EBPL: variants seen among roughly 807,000 people sequenced by gnomAD.
EBPL encodes the protein emopamil-binding protein-like.
Under a neutral mutation model 19.0 loss-of-function variants are expected in EBPL, and 20 were observed. The observed-to-expected ratio is 1.05, with a 90% CI of 0.74 to 1.53. The LOEUF (loss-of-function observed/expected upper bound fraction) is 1.53, where lower values mean the gene tolerates loss of function less well. EBPL is among the 40% of genes most tolerant of loss of function. The pLI is 0.00. For synonymous variants in EBPL, 107 were observed against 117.0 expected, an observed-to-expected ratio of 0.91 and a Z score of 0.55; for missense variants, 219 against 261.1, an observed-to-expected ratio of 0.84 and a Z score of 1.11.
At chr13:49,673,685 C>T (rs1003278492) in intron 1 of EBPL, among the ~76,000 whole-genome samples, 2 of 152,164 alleles carry the variant, frequency 1.3e-5, no homozygotes, top group East Asian at 1.9e-4. Flanking sequence ...GATCCACTCG[C>T]CTCAGCCTCC....
chr13:49,680,856 AT>A lies in EBPL; in HGVS notation c.171+10397del, dbSNP rs541730567. ...ACAAAATACAAAACAAACAAAAAAA[AT>A]ATATGTGATACATGTTAAAGTTAAA... On this transcript the variant is annotated intron_variant, in intron 1 of 3. Coordinates refer to ENST00000242827, the MANE Select transcript of EBPL (RefSeq NM_032565.5). 1.8e-4 allele frequency among the ~76,000 whole-genome samples: 28 copies of A among 152,174 alleles called. 1 individual carries two copies. Among genetic ancestry groups the A allele is most frequent in the Admixed American group, 5.2e-4 (8 of 15,294 alleles).
chr13:49,666,887 A>T (rs1411603947), intron 2 of EBPL, among the ~76,000 whole-genome samples: 3 of 45,542 alleles, frequency 6.6e-5, no homozygotes, highest in African/African-American at 1.8e-4. Flanking sequence ...AGACTCTGTT[A>T]AAAAAAAAAG....
intron 1 of EBPL, among the ~76,000 whole-genome samples, chr13:49,678,035 C>T (rs1347007466): frequency 6.6e-6 from 1 of 151,980 alleles, no homozygotes; most frequent in Non-Finnish European, 1.5e-5. Context: ...GGACCCAAGC[C>T]GGTTGCCGGG....
At chr13:49,677,797 A>G (rs1285652635) in intron 1 of EBPL, among the ~76,000 whole-genome samples, 8 of 152,214 alleles carry the variant, frequency 5.3e-5, no homozygotes, top group African/African-American at 1.4e-4. Flanking sequence ...CTTGGTCTCA[A>G]TGACTTCAAG....
At chr13:49,661,299 A>G (rs1407698004) in intron 3 of EBPL, 91 bp from the exon 4 acceptor site, 21 of 1,065,466 alleles carry the variant, frequency 2.0e-5, no homozygotes, top group Admixed American at 1.9e-4. Context: ...GGCGGCATCA[A>G]CAGTCTTCGC....
chr13:49,679,180 T>C (rs1566319594), intron 1 of EBPL, among the ~76,000 whole-genome samples: 1 of 152,194 alleles, frequency 6.6e-6, no homozygotes, highest in Non-Finnish European at 1.5e-5. Flanking sequence ...TCATGCTTTA[T>C]ATTAAATGAA....
chr13:49,673,962 TACACACACACAC>T (rs56323070), intron 1 of EBPL, among the ~76,000 whole-genome samples: 3 of 143,270 alleles, frequency 2.1e-5, no homozygotes, highest in African/African-American at 5.1e-5. Context: ...TGGAACTTAA[TACACACACACAC>T]ACACACACAC....
chr13:49,669,900 G>A, intron 1 of EBPL, 54 bp from the exon 2 acceptor site: 1 of 1,402,128 alleles, frequency 7.1e-7, no homozygotes, highest in Non-Finnish European at 1.0e-6. Flanking sequence ...ACCACAGGAT[G>A]GCACTGTAGA....
rs556943986 is a variant in EBPL at position 49,691,387 on chromosome 13, C to T, written c.38G>A (p.Gly13Asp). Reference sequence around the variant, plus strand: ...CAGCGCGGCGCACAGCAGCAGCGAACCGCCAGCCTCGGCCCCCAGCTCCCA... The same window carrying T: ...CAGCGCGGCGCACAGCAGCAGCGAATCGCCAGCCTCGGCCCCCAGCTCCCA... ...AEWELGAEAG[G>D]SLLLCAALLA... Residue 13 changes from glycine (G) to aspartate (D), a missense_variant, in exon 1 of 4, where the codon GGT (glycine) becomes GAT (aspartate). By Grantham distance (94) the Gly-to-Asp change is moderately conservative (BLOSUM62 -1). Coordinates refer to ENST00000242827, the MANE Select transcript of EBPL (RefSeq NM_032565.5). The T allele has an allele frequency of 5.1e-6, 7 of 1,365,722 alleles. No homozygotes were observed. The South Asian group carries it at 6.5e-5, about 13-fold the overall frequency. The allele number at this position is 1,365,722 out of a possible 1,614,324, so 84.6% of individuals were successfully genotyped here.
At chr13:49,665,435 C>T (rs992561806) in intron 2 of EBPL, among the ~76,000 whole-genome samples, 6 of 152,200 alleles carry the variant, frequency 3.9e-5, no homozygotes, top group Admixed American at 3.9e-4. Flanking sequence ...CCATGCCCGG[C>T]TAATTTTGTA....
At chr13:49,672,823 G>A (rs1953832690) in intron 1 of EBPL, among the ~76,000 whole-genome samples, 1 of 152,174 alleles carries the variant, frequency 6.6e-6, no homozygotes, top group South Asian at 2.1e-4. Context: ...ACTTTGGGAG[G>A]CCTGGGCGGG....
rs1594412572 is a variant in EBPL at position 49,678,023 on chromosome 13, G to A, written c.172-8177C>T. ...AGAACAAAGACTCCACAGCGTGGAA[G>A]GGGACCCAAGCCGGTTGCCGGGGCT... On this transcript the variant is annotated intron_variant, in intron 1 of 3. Coordinates refer to ENST00000242827, the MANE Select transcript of EBPL (RefSeq NM_032565.5). Among the ~76,000 whole-genome samples, 9 of 24,004 alleles carry A rather than the reference G, an allele frequency of 3.7e-4. No individual in the cohort carries two copies. The South Asian group carries it at 0.015, about 39-fold the overall frequency. The allele number at this position is 24,004 out of a possible 152,430, so 15.7% of individuals were successfully genotyped here.
At chr13:49,678,807 AGG>A (rs1953909604) in intron 1 of EBPL, among the ~76,000 whole-genome samples, 1 of 151,978 alleles carries the variant, frequency 6.6e-6, no homozygotes, top group East Asian at 1.9e-4. Context: ...AGAGCGAGTG[AGG>A]CCTGTTAGCA....
At chr13:49,686,795 T>C (rs1334557783) in intron 1 of EBPL, among the ~76,000 whole-genome samples, 1 of 152,118 alleles carries the variant, frequency 6.6e-6, no homozygotes, top group East Asian at 1.9e-4. Flanking sequence ...CTTCTGGCCA[T>C]TCTCTCTCTC....
intron 1 of EBPL, among the ~76,000 whole-genome samples, chr13:49,681,247 T>A (rs1306670771): frequency 6.6e-6 from 1 of 152,022 alleles, no homozygotes; most frequent in Non-Finnish European, 1.5e-5. Context: ...TTATAGCAAA[T>A]AAAGAAAGGC....
At chr13:49,669,175 G>A (rs115362262) in intron 2 of EBPL, among the ~76,000 whole-genome samples, 2,554 of 152,076 alleles carry the variant, frequency 0.017, 54 homozygotes, top group African/African-American at 0.058. Context: ...CACCATGCCC[G>A]GCCATTCACT....
chr13:49,685,090 T>C (rs903406015), intron 1 of EBPL, among the ~76,000 whole-genome samples: 2 of 152,126 alleles, frequency 1.3e-5, no homozygotes, highest in African/African-American at 4.8e-5. Flanking sequence ...ACGCACCTGG[T>C]CAGCAAAGTG....
intron 1 of EBPL, among the ~76,000 whole-genome samples, chr13:49,678,428 C>T (rs926247155): frequency 2.0e-5 from 3 of 152,218 alleles, no homozygotes; most frequent in African/African-American, 4.8e-5. Flanking sequence ...TCGGGCATGG[C>T]GGGCTGCAAG....
chr13:49,663,242 G>C, intron 2 of EBPL, 47 bp from the exon 3 acceptor site: 1 of 1,606,286 alleles, frequency 6.2e-7, no homozygotes, highest in Non-Finnish European at 8.5e-7. Context: ...CAATTTTTAT[G>C]ACAGTTCATG....
Sources: gnomAD v4.1 joint callset for allele counts (sites outside exome capture counted in the v4.1 genomes callset) on GRCh38, gnomAD v4.1.1 for gene constraint, MANE v1.5 for transcripts, NCBI Gene and HGNC (gene_info 2026-07-23, HGNC 2026-07-21) for gene names.